The following BCKDHB variants were observed in gnomAD, a reference collection of about 807,000 sequenced individuals.
BCKDHB encodes the protein 2-oxoisovalerate dehydrogenase subunit beta, mitochondrial.
BCKDHB carries 41 observed loss-of-function variants against 48.5 expected under a neutral mutation model. The observed-to-expected ratio is 0.85, with a 90% confidence interval of 0.66 to 1.10. The LOEUF is 1.10. Ranked by LOEUF, BCKDHB falls within the 50% of genes least tolerant of loss-of-function variation. The probability of loss-of-function intolerance (pLI) is 0.00; values close to 1 mark genes in which losing one functional copy is unlikely to be tolerated. For synonymous variants in BCKDHB, 201 were observed against 174.8 expected (o/e 1.15, Z -1.18); for missense variants, 496 against 494.2 (o/e 1.00, Z -0.03).
chr6:80,209,299 A>T (rs1368375750), intron 8 of BCKDHB, among the ~76,000 whole-genome samples: 2 of 151,934 alleles, frequency 1.3e-5, no homozygotes, highest in African/African-American at 4.8e-5. Context: ...CTTTACACAG[A>T]AAATCACAGA....
At chr6:80,116,269 C>T (rs962574215) in intron 1 of BCKDHB, among the ~76,000 whole-genome samples, 1 of 152,228 alleles carries the variant, frequency 6.6e-6, no homozygotes, top group Non-Finnish European at 1.5e-5. Flanking sequence ...ATTTGCCCCC[C>T]TCCTGCAGTT....
chr6:80,106,679 C>T lies in BCKDHB; in HGVS notation c.-15C>T, dbSNP rs747088249. On this transcript the variant is annotated 5_prime_UTR_variant, in exon 1 of 10. Transcript: ENST00000320393. ...GTGCGGCTGCATAGCCTGAGAATCC[C>T]GGTGGTGAGCGGGGATGGCGGTTGT... 2.3e-5 allele frequency: 35 copies of T among 1,550,386 alleles called. No homozygotes were observed. Among genetic ancestry groups the T allele is most frequent in the South Asian group, 4.8e-5 (4 of 84,128 alleles).
chr6:80,244,012 C>T (rs1013894143), intron 8 of BCKDHB, among the ~76,000 whole-genome samples: 1 of 152,210 alleles, frequency 6.6e-6, no homozygotes, highest in East Asian at 1.9e-4. Context: ...GCCACAAGCT[C>T]TCAAAGTACC....
intron 8 of BCKDHB, among the ~76,000 whole-genome samples, chr6:80,244,977 A>C (rs1268184962): frequency 6.6e-6 from 1 of 152,042 alleles, no homozygotes; most frequent in African/African-American, 2.4e-5. Context: ...TTGAGCATCT[A>C]CTCTGGAGCC....
rs145721556 is a variant in BCKDHB at position 80,134,732 on chromosome 6, G to A, written c.343+5503G>A. ...TTTCTTAAGATGTCCCTTTTCCAGC[G>A]TTTTGTTTTATTTTATTTATTTATT... On this transcript the variant is annotated intron_variant, in intron 3 of 9. Coordinates refer to ENST00000320393, the MANE Select transcript of BCKDHB (RefSeq NM_183050.4). Among the ~76,000 whole-genome samples, 289 of 149,750 alleles carry A rather than the reference G, an allele frequency of 1.9e-3. 1 individual carries two copies. The highest frequency in any genetic ancestry group is 6.6e-3 in the African/African-American group (266 of 40,158).
At chr6:80,456,619 T>G in the BCKDHB span, among the ~76,000 whole-genome samples, 3 of 152,222 alleles carry the variant, frequency 2.0e-5, no homozygotes, top group African/African-American at 7.2e-5. Flanking sequence ...AAGATAATAT[T>G]TAGCCTGAAG....
the BCKDHB span, among the ~76,000 whole-genome samples, chr6:80,399,269 A>T: frequency 3.2e-5 from 4 of 125,362 alleles, no homozygotes; most frequent in East Asian, 9.9e-4. Context: ...CAGGCAAGAG[A>T]AAGAAAGAAA....
chr6:80,317,051 A>G (rs1047703536), intron 9 of BCKDHB, among the ~76,000 whole-genome samples: 5 of 152,034 alleles, frequency 3.3e-5, no homozygotes, highest in African/African-American at 1.2e-4. Context: ...TTGTATTCCA[A>G]TTGCTTTCAT....
rs1254971787 is a variant in BCKDHB, at chr6:80,129,149, A to C, written c.275-12A>C. ...ATTAAATAAAATGTATTATTTAAAT[A>C]CTGTTTTTCAGTAATATTTGGTGAA... On this transcript the variant is annotated splice_polypyrimidine_tract_variant and intron_variant, in intron 2 of 9. Transcript: ENST00000320393. 1.3e-6 allele frequency: 2 copies of C among 1,580,178 alleles called. No individual in the cohort carries two copies. The highest frequency in any genetic ancestry group is 2.7e-5 in the African/African-American group (2 of 74,228).
At chr6:80,264,968 C>A (rs1777453651) in intron 8 of BCKDHB, among the ~76,000 whole-genome samples, 1 of 151,940 alleles carries the variant, frequency 6.6e-6, no homozygotes, top group Non-Finnish European at 1.5e-5. Flanking sequence ...TTGCTTAACA[C>A]CACTAATTAT....
At chr6:80,346,343 G>A (rs1705345917), downstream of BCKDHB, 2 of 151,968 alleles carry the variant, frequency 1.3e-5, no homozygotes, top group African/African-American at 4.8e-5. Context: ...TTGTGAATTG[G>A]TTAATTAAAT....
chr6:80,209,737 T>C (rs150395651), intron 8 of BCKDHB, among the ~76,000 whole-genome samples: 30 of 152,130 alleles, frequency 2.0e-4, no homozygotes, highest in African/African-American at 6.5e-4. Context: ...TAGGTGAATA[T>C]GTTCATGTGA....
At chr6:80,370,760 G>A in the BCKDHB span, among the ~76,000 whole-genome samples, 1 of 148,316 alleles carries the variant, frequency 6.7e-6, no homozygotes, top group Non-Finnish European at 1.5e-5. Flanking sequence ...GTGTTCCATG[G>A]GGTGTGTATA....
At chr6:80,442,915 G>T in the BCKDHB span, among the ~76,000 whole-genome samples, 1 of 152,224 alleles carries the variant, frequency 6.6e-6, no homozygotes, top group Non-Finnish European at 1.5e-5. Context: ...TCTGTGTAAT[G>T]TGGAAATGAG....
At chr6:80,436,579 C>T in the BCKDHB span, among the ~76,000 whole-genome samples, 4 of 152,188 alleles carry the variant, frequency 2.6e-5, no homozygotes, top group Admixed American at 6.5e-5. Context: ...TCATCCTAGA[C>T]ATTCCTAAAA....
chr6:80,195,798 C>T (rs894324291), intron 6 of BCKDHB, among the ~76,000 whole-genome samples: 8 of 152,158 alleles, frequency 5.3e-5, no homozygotes, highest in African/African-American at 1.7e-4. Context: ...TTACGCCCCT[C>T]CTACCTTTCC....
chr6:80,346,847 T>G (rs1770223255), downstream of BCKDHB, among the ~76,000 whole-genome samples: 1 of 151,994 alleles, frequency 6.6e-6, no homozygotes, highest in Admixed American at 6.6e-5. Flanking sequence ...TAACGAATCC[T>G]CCAGCAGAAC....
chr6:80,120,981 A>T (rs985589647), intron 1 of BCKDHB, among the ~76,000 whole-genome samples: 4 of 151,882 alleles, frequency 2.6e-5, no homozygotes, highest in Admixed American at 6.6e-5. Context: ...TCTTCTAGGG[A>T]TTTTATGGTT....
At chr6:80,208,107 A>G (rs1391887045) in intron 8 of BCKDHB, among the ~76,000 whole-genome samples, 6 of 151,974 alleles carry the variant, frequency 3.9e-5, no homozygotes, top group Middle Eastern at 3.4e-3. Flanking sequence ...AAAAATTCCA[A>G]AAGCTTGGAG....
Sources: allele counts gnomAD v4.1 joint callset (sites outside exome capture counted in the v4.1 genomes callset), GRCh38; gene constraint gnomAD v4.1.1; transcripts MANE v1.5; gene names NCBI Gene and HGNC (gene_info 2026-07-23, HGNC 2026-07-21).